Variants in JHY observed in about 807,000 individuals in gnomAD.
JHY encodes jhy protein homolog.
Under a neutral mutation model 78.0 loss-of-function variants are expected in JHY, and 69 were observed. That is an observed-to-expected ratio of 0.88 (90% CI 0.73 to 1.08). The LOEUF is 1.08. Among genes scored for constraint, JHY ranks in the 50% least tolerant of loss-of-function variants. The pLI is 0.00. For synonymous variants in JHY, 368 were observed against 342.6 expected (o/e 1.07, Z -0.82); for missense variants, 944 against 927.8 (o/e 1.02, Z -0.23).
At chr11:122,909,162 C>G (rs189471440) in intron 3 of JHY, among the ~76,000 whole-genome samples, 57 of 152,264 alleles carry the variant, frequency 3.7e-4, no homozygotes, top group African/African-American at 1.3e-3. Context: ...CAAATTAATA[C>G]TATAACGGGA....
intron 4 of JHY, among the ~76,000 whole-genome samples, chr11:122,928,209 T>A (rs1379246345): frequency 6.6e-6 from 1 of 152,150 alleles, no homozygotes; most frequent in Non-Finnish European, 1.5e-5. Context: ...TCCTATTGCT[T>A]TTTTGGAGGC....
chr11:122,909,533 A>C (rs969440891), intron 3 of JHY, among the ~76,000 whole-genome samples: 21 of 152,186 alleles, frequency 1.4e-4, no homozygotes, highest in Non-Finnish European at 2.9e-4. Context: ...TAAACTCAGC[A>C]TTTTGGGAGG....
At chr11:122,959,066 G>A in intron 8 of JHY, 182 bp from the exon 9 acceptor site, 1 of 962,418 alleles carries the variant, frequency 1.0e-6, no homozygotes, top group Non-Finnish European at 1.2e-6. Context: ...TTGTTTTGTG[G>A]CTAATGTATT....
At position 122,959,387 on chromosome 11, in the gene JHY, A is replaced by C; in HGVS notation, c.2279A>C (p.Asn760Thr). The C allele has an allele frequency of 6.2e-7, 1 of 1,614,214 alleles. No individual in the cohort carries two copies. Among genetic ancestry groups the C allele is most frequent in the Non-Finnish European group, 8.5e-7 (1 of 1,180,022 alleles). Residue 760 changes from asparagine to threonine, a missense_variant, in exon 9 of 9, where the codon AAC (asparagine) becomes ACC (threonine). Asn to Thr is a moderately conservative substitution (Grantham distance 65). Coordinates refer to ENST00000227349, the MANE Select transcript of JHY (RefSeq NM_024806.4). ...PEISLLEILQNRHEREKQAVA... is the reference protein window; with the variant it reads ...PEISLLEILQTRHEREKQAVA... The stretch of plus-strand genomic sequence containing the variant: ...ATCTCACTGCTGGAAATACTGCAGA[A>C]CAGACACGAAAGGGAAAAACAGGCT...
Position 122,883,805 on chromosome 11 carries a change from TG to T in JHY, c.-90+835del, listed in dbSNP as rs534327210. ...CTAACATCAGCAAAATTATCTTCTG[TG>T]GTTACTGTTTTATTTTTTATTCATT... On this transcript the variant is annotated intron_variant, in intron 1 of 8. Coordinates refer to ENST00000227349, the MANE Select transcript of JHY (RefSeq NM_024806.4). The surrounding 1 kb of genome is among the most constrained non-coding windows in gnomAD (Gnocchi z 4.4). Among the ~76,000 whole-genome samples the T allele has an allele frequency of 3.3e-5, 5 of 152,338 alleles. No homozygotes were observed. The South Asian group carries it at 1.0e-3, about 32-fold the overall frequency.
Position 122,886,011 on chromosome 11 carries a change from T to G in JHY, c.162T>G (p.Ile54Met). Reference sequence around the variant, plus strand: ...ATTCAGAAAGCCTCACGCAAGAGATTATGTGCCATTCTGAGTTTGATGATC... The same window carrying G: ...ATTCAGAAAGCCTCACGCAAGAGATGATGTGCCATTCTGAGTTTGATGATC... ...ESDSESLTQE[I>M]MCHSEFDDRI... Residue 54 changes from isoleucine to methionine, a missense_variant, in exon 2 of 9, where the codon ATT becomes ATG. By Grantham distance (10) the Ile-to-Met change is conservative. Coordinates refer to ENST00000227349, the MANE Select transcript of JHY (RefSeq NM_024806.4). 1 of 1,614,130 alleles carries G rather than the reference T, an allele frequency of 6.2e-7. No homozygotes were observed. The highest frequency in any genetic ancestry group is 8.5e-7 in the Non-Finnish European group (1 of 1,180,030).
At chr11:122,958,979 A>G (rs1266945648) in intron 8 of JHY, 25 of 985,218 alleles carry the variant, frequency 2.5e-5, no homozygotes, top group Non-Finnish European at 3.0e-5. Context: ...CTTGAAGGAA[A>G]CTCAGTTTTA....
intron 8 of JHY, among the ~76,000 whole-genome samples, chr11:122,958,272 C>T (rs567384957): frequency 1.3e-5 from 2 of 152,322 alleles, no homozygotes; most frequent in African/African-American, 4.8e-5. Flanking sequence ...GGACCCTTTG[C>T]ATGAGGAACA....
intron 2 of JHY, among the ~76,000 whole-genome samples, chr11:122,901,017 A>G (rs1862845811): frequency 6.6e-6 from 1 of 152,198 alleles, no homozygotes; most frequent in Non-Finnish European, 1.5e-5. Flanking sequence ...TGACAGGGGT[A>G]CGTTCTGAGA....
At chr11:122,938,562 T>C (rs113157597) in intron 5 of JHY, among the ~76,000 whole-genome samples, 54 of 152,272 alleles carry the variant, frequency 3.5e-4, no homozygotes, top group African/African-American at 1.2e-3. Flanking sequence ...TTTTTAAGTG[T>C]TTTTAATTCC....
At chr11:122,957,295 C>G in intron 7 of JHY, 68 bp from the exon 8 acceptor site, 1 of 1,456,232 alleles carries the variant, frequency 6.9e-7, no homozygotes, top group Non-Finnish European at 9.0e-7. Context: ...ACCAGGGCAT[C>G]GCTTTAAATA....
chr11:122,896,579 G>T (rs977178441), intron 2 of JHY, among the ~76,000 whole-genome samples: 9 of 152,144 alleles, frequency 5.9e-5, no homozygotes, highest in Non-Finnish European at 1.2e-4. Flanking sequence ...TTAAAGATGG[G>T]TGTTAATTCT....
chr11:122,962,441 C>T lies in JHY; in HGVS notation c.*2996C>T, dbSNP rs1864334843. Among the ~76,000 whole-genome samples, 1 of 152,114 alleles carries T rather than the reference C, an allele frequency of 6.6e-6. No individual in the cohort carries two copies. Among genetic ancestry groups the T allele is most frequent in the East Asian group, 1.9e-4 (1 of 5,192 alleles). ...AAGATAACAAGTATCTGAAGATAAACAGAAAACTGGTGAATCATGTTTCAG... is the reference window on the plus strand; with the variant it reads ...AAGATAACAAGTATCTGAAGATAAATAGAAAACTGGTGAATCATGTTTCAG... On this transcript the variant is annotated 3_prime_UTR_variant, in exon 9 of 9. Transcript: ENST00000227349.
intron 4 of JHY, among the ~76,000 whole-genome samples, chr11:122,928,046 TACAC>T (rs2135345783): frequency 6.6e-6 from 1 of 151,900 alleles, no homozygotes; most frequent in Non-Finnish European, 1.5e-5. Flanking sequence ...TTGTACCCAC[TACAC>T]TACAAGATCT....
chr11:122,888,105 G>A (rs12226372), intron 2 of JHY, among the ~76,000 whole-genome samples: 1 of 151,978 alleles, frequency 6.6e-6, no homozygotes, highest in African/African-American at 2.4e-5. Flanking sequence ...AAGTGTCTTA[G>A]TGATATGTCA....
At chr11:122,954,797 C>G (rs1037984049) in intron 6 of JHY, among the ~76,000 whole-genome samples, 2 of 129,484 alleles carry the variant, frequency 1.5e-5, no homozygotes, top group African/African-American at 6.3e-5. Flanking sequence ...TGGCCTCAAA[C>G]TAAATAAATA....
At chr11:122,891,908 C>T (rs956199963) in intron 2 of JHY, among the ~76,000 whole-genome samples, 74 of 152,298 alleles carry the variant, frequency 4.9e-4, no homozygotes, top group African/African-American at 1.8e-3. Flanking sequence ...GATTCTATTT[C>T]ACTATCCAGT....
chr11:122,927,680 G>A (rs1048237702), intron 4 of JHY, among the ~76,000 whole-genome samples: 1 of 151,812 alleles, frequency 6.6e-6, no homozygotes, highest in Non-Finnish European at 1.5e-5. Flanking sequence ...GCCATATTGG[G>A]CCGTGTCTCA....
intron 3 of JHY, among the ~76,000 whole-genome samples, chr11:122,920,081 T>C (rs79612161): frequency 0.065 from 9,932 of 152,254 alleles, 569 homozygotes; most frequent in African/African-American, 0.14. Flanking sequence ...TCCACCTCTT[T>C]TGCTGGCTGT....
Sources: gnomAD v4.1 joint callset for allele counts (sites outside exome capture counted in the v4.1 genomes callset) on GRCh38, gnomAD v4.1.1 for gene constraint, Gnocchi (gnomAD v3.1) non-coding constraint, MANE v1.5 for transcripts, NCBI Gene and HGNC (gene_info 2026-07-23, HGNC 2026-07-21) for gene names.